METTL9: variants seen among roughly 807,000 people sequenced by gnomAD.
METTL9 encodes protein-L-histidine N-pros-methyltransferase.
In METTL9, 10 loss-of-function variants were observed where a neutral mutation model predicts 36.0. The ratio of observed to expected loss-of-function variants is 0.28; its 90% CI spans 0.17 to 0.47. The LOEUF (loss-of-function observed/expected upper bound fraction) is 0.47. Among genes scored for constraint, METTL9 ranks in the 20% least tolerant of loss-of-function variants. The pLI, the probability that METTL9 is intolerant of heterozygous loss-of-function variation, is 0.99. For missense variants in METTL9, 246 were observed against 383.5 expected (o/e 0.64, Z 3.00); for synonymous variants, 175 against 149.7 (o/e 1.17, Z -1.23).
intron 4 of METTL9, chr16:21,646,452 T>G (rs1056893203): frequency 1.3e-5 from 2 of 156,510 alleles, no homozygotes; most frequent in African/African-American, 2.4e-5. Flanking sequence ...TGCTTTGTTC[T>G]AGGTGGTGCA....
rs761075780 is a variant in METTL9 at position 21,630,374 on chromosome 16, C to T, written c.751+5259C>T. ...GAGCAGAGGGAGCCGGCTCTGGCCT[C>T]GGCCAGCCCCAGAGAGGAGGCCCCT... On this transcript the variant is annotated intron_variant, in intron 4 of 4. Coordinates refer to ENST00000358154, the MANE Select transcript of METTL9 (RefSeq NM_016025.5). 9.8e-5 allele frequency among the ~76,000 whole-genome samples: 15 copies of T among 152,360 alleles called. 1 individual carries two copies. Among genetic ancestry groups the T allele is most frequent in the South Asian group, 6.2e-4 (3 of 4,832 alleles).
intron 4 of METTL9, chr16:21,652,625 GT>G: frequency 6.3e-7 from 1 of 1,586,506 alleles, no homozygotes; most frequent in South Asian, 1.2e-5. Flanking sequence ...GCGGGTTGGG[GT>G]GTGTATTTGA....
At chr16:21,643,556 A>G in intron 4 of METTL9, 2 of 1,602,214 alleles carry the variant, frequency 1.2e-6, no homozygotes, top group Non-Finnish European at 8.5e-7. Flanking sequence ...ACCTTTTGTG[A>G]GTCTTCTTTT....
Position 21,618,027 on chromosome 16 carries a change from T to C in METTL9, c.519T>C (p.Thr173=), listed in dbSNP as rs557030717. 85 of 1,600,326 alleles carry C rather than the reference T, an allele frequency of 5.3e-5. 1 individual carries two copies. Among genetic ancestry groups the C allele is most frequent in the South Asian group, 8.0e-5 (7 of 87,826 alleles). Residue 173 remains threonine (T), a synonymous_variant, in exon 3 of 5, where the codon ACT becomes ACC. Transcript: ENST00000358154. ...CTCATTTTGAAGAAATCTATGCCAC[T>C]GAGCTTTCTGAAACTATGATATGGC... ...MSPHFEEIYA[T]ELSETMIWQL...
chr16:21,623,765 T>G (rs1240513566), intron 3 of METTL9, among the ~76,000 whole-genome samples: 1 of 151,940 alleles, frequency 6.6e-6, no homozygotes, highest in Non-Finnish European at 1.5e-5. Flanking sequence ...TTCTGTATAG[T>G]TTTTGTTTTG....
chr16:21,608,331 T>C (rs1239359442), intron 1 of METTL9, among the ~76,000 whole-genome samples: 1 of 152,158 alleles, frequency 6.6e-6, no homozygotes, highest in Non-Finnish European at 1.5e-5. Context: ...GTCCTTGGTA[T>C]TTCACCTTAA....
chr16:21,599,552 T>G (rs1456508034), upstream of METTL9: 5 of 1,281,062 alleles, frequency 3.9e-6, no homozygotes, highest in Non-Finnish European at 4.9e-6. This position sits in a 1 kb window ranked among gnomAD's most constrained non-coding sequence, Gnocchi z 4.4. Context: ...AAGGGGGAGG[T>G]GCCGAGGCTG....
intron 4 of METTL9, among the ~76,000 whole-genome samples, chr16:21,648,511 C>T (rs1214314592): frequency 6.6e-6 from 1 of 152,202 alleles, no homozygotes; most frequent in Non-Finnish European, 1.5e-5. Flanking sequence ...GGACGTCTAG[C>T]CACAAGGTGT....
chr16:21,612,962 C>A, intron 2 of METTL9, 127 bp downstream of exon 2: 1 of 812,998 alleles, frequency 1.2e-6, no homozygotes. Context: ...CTAGTCAGAA[C>A]CTTGGCAGTT....
intron 3 of METTL9, among the ~76,000 whole-genome samples, chr16:21,621,330 A>AT (rs543954823): frequency 0.036 from 5,276 of 145,064 alleles, 135 homozygotes; most frequent in Non-Finnish European, 0.048. Flanking sequence ...AGGTTCTGTA[A>AT]TTTTTTTTTT....
chr16:21,650,211 A>G (rs1966530988), intron 4 of METTL9, among the ~76,000 whole-genome samples: 1 of 152,140 alleles, frequency 6.6e-6, no homozygotes, highest in Non-Finnish European at 1.5e-5. Flanking sequence ...TCCTGTCTCT[A>G]TAAAAGGAAT....
intron 4 of METTL9, among the ~76,000 whole-genome samples, chr16:21,631,519 TTTTCCTAACTCTGTTTCTACAAGAG>T (rs1020487924): frequency 7.2e-5 from 11 of 152,192 alleles, no homozygotes; most frequent in Admixed American, 5.9e-4. Context: ...TATTAGGCAA[TTTTCCTAACTCTGTTTCTACAAGAG>T]TTTCCTTATC....
intron 4 of METTL9, among the ~76,000 whole-genome samples, chr16:21,635,889 C>T (rs1308975483): frequency 6.6e-6 from 1 of 152,146 alleles, no homozygotes; most frequent in African/African-American, 2.4e-5. Context: ...TAGTTTTCCT[C>T]CCAGACCACA....
At chr16:21,605,013 A>G (rs1965234661) in intron 1 of METTL9, among the ~76,000 whole-genome samples, 1 of 152,078 alleles carries the variant, frequency 6.6e-6, no homozygotes, top group African/African-American at 2.4e-5. Flanking sequence ...AGGCACTTCA[A>G]ATATATTATC....
intron 4 of METTL9, chr16:21,652,625 G>A (rs758654423): frequency 3.2e-6 from 5 of 1,586,506 alleles, no homozygotes; most frequent in Non-Finnish European, 3.4e-6. Context: ...GCGGGTTGGG[G>A]TGTGTATTTG....
chr16:21,613,168 CTTTTTTTTTTTTTTTTT>C (rs57388340), intron 2 of METTL9, among the ~76,000 whole-genome samples: 2,970 of 91,440 alleles, frequency 0.032, 147 homozygotes, highest in East Asian at 0.12. Context: ...TGAGAGTCTG[CTTTTTTTTTTTTTTTTT>C]TTTTTTTTTT....
chr16:21,621,570 G>A (rs549713866), intron 3 of METTL9, among the ~76,000 whole-genome samples: 12 of 152,084 alleles, frequency 7.9e-5, no homozygotes, highest in Non-Finnish European at 1.3e-4. Flanking sequence ...CAGGCAATCC[G>A]CCCGCCTTGG....
intron 1 of METTL9, among the ~76,000 whole-genome samples, chr16:21,602,944 G>A (rs1203924377): frequency 6.6e-6 from 1 of 151,446 alleles, no homozygotes; most frequent in African/African-American, 2.4e-5. Context: ...CAGGCGTGAG[G>A]TACTACACCC....
At position 21,652,537 on chromosome 16, in the gene METTL9, C is replaced by T. The variant is rs142541478; in HGVS notation, c.752-2690C>T. On this transcript the variant is annotated intron_variant, in intron 4 of 4. Transcript: ENST00000358154. ...GAGAAGAAAAAGAACCTTACCGACACAAAATAGAATGAGATTGGTTTGCAG... is the reference window on the plus strand; with the variant it reads ...GAGAAGAAAAAGAACCTTACCGACATAAAATAGAATGAGATTGGTTTGCAG... 14 of 1,609,216 alleles carry T rather than the reference C, an allele frequency of 8.7e-6. No homozygotes were observed. The highest frequency in any genetic ancestry group is 5.1e-5 in the Admixed American group (3 of 59,280).
Sources: gnomAD v4.1 joint callset for allele counts (sites outside exome capture counted in the v4.1 genomes callset) on GRCh38, gnomAD v4.1.1 for gene constraint, Gnocchi (gnomAD v3.1) non-coding constraint, MANE v1.5 for transcripts, NCBI Gene and HGNC (gene_info 2026-07-23, HGNC 2026-07-21) for gene names.